SATB1: variants seen among roughly 807,000 people sequenced by gnomAD.
The protein encoded by SATB1 is DNA-binding protein SATB1.
Under a neutral mutation model 86.9 loss-of-function variants are expected in SATB1, and 11 were observed. The ratio of observed to expected loss-of-function variants is 0.13; its 90% CI spans 0.08 to 0.21. SATB1 has a LOEUF of 0.21. Among genes scored for constraint, SATB1 ranks in the 10% least tolerant of loss-of-function variants. The probability of loss-of-function intolerance (pLI) is 1.00; values close to 1 mark genes in which losing one functional copy is unlikely to be tolerated. For synonymous variants in SATB1, 357 were observed against 357.2 expected (o/e 1.00, Z 0.01); for missense variants, 551 against 937.6 (o/e 0.59, Z 5.39).
intron 5 of SATB1, among the ~76,000 whole-genome samples, chr3:18,398,420 T>C (rs1202684335): frequency 1.3e-5 from 2 of 152,138 alleles, no homozygotes; most frequent in Non-Finnish European, 2.9e-5. Context: ...CAGACATCAG[T>C]TGGTCTATGG....
intron 2 of SATB1, among the ~76,000 whole-genome samples, chr3:18,434,688 C>A (rs1183632382): frequency 6.6e-6 from 1 of 151,498 alleles, no homozygotes; most frequent in Non-Finnish European, 1.5e-5. Flanking sequence ...GATCAGGTTC[C>A]GTATCTATAA....
chr3:18,445,084 T>G (rs1699352890), intron 1 of SATB1: 2 of 437,196 alleles, frequency 4.6e-6, no homozygotes, highest in South Asian at 9.6e-5. Context: ...ACGTGGCGCT[T>G]CGGACCGGGC....
upstream of SATB1, among the ~76,000 whole-genome samples, chr3:18,428,314 T>C (rs1014742455): frequency 6.6e-6 from 1 of 152,130 alleles, no homozygotes; most frequent in South Asian, 2.1e-4. Context: ...ACTCCCATGA[T>C]AACCCATTAA....
chr3:18,351,339 C>A, intron 10 of SATB1: 1 of 1,552,092 alleles, frequency 6.4e-7, no homozygotes, highest in Non-Finnish European at 8.7e-7. Context: ...AGCCATGGTG[C>A]AGGGGTCGGC....
At chr3:18,410,121 G>A (rs889498782) in intron 5 of SATB1, among the ~76,000 whole-genome samples, 1 of 151,956 alleles carries the variant, frequency 6.6e-6, no homozygotes, top group Non-Finnish European at 1.5e-5. Context: ...CCATGATTAG[G>A]GGCTTGATAT....
intron 9 of SATB1, among the ~76,000 whole-genome samples, chr3:18,375,994 A>C (rs1004915493): frequency 1.2e-4 from 18 of 152,208 alleles, no homozygotes; most frequent in Non-Finnish European, 2.6e-4. Flanking sequence ...TTTGGGAAAC[A>C]CACCATCACA....
intron 5 of SATB1, among the ~76,000 whole-genome samples, chr3:18,398,103 C>A (rs9284843): frequency 6.6e-6 from 1 of 152,126 alleles, no homozygotes; most frequent in African/African-American, 2.4e-5. Flanking sequence ...GATGACCTAT[C>A]GTGACTTATC....
At chr3:18,439,568 G>C (rs548600880), upstream of SATB1, among the ~76,000 whole-genome samples, 8 of 152,260 alleles carry the variant, frequency 5.3e-5, no homozygotes, top group African/African-American at 1.9e-4. Context: ...ACAGCATTTA[G>C]GAACGATATA....
intron 7 of SATB1, among the ~76,000 whole-genome samples, chr3:18,390,668 T>C (rs1444134813): frequency 6.6e-6 from 1 of 152,182 alleles, no homozygotes; most frequent in Admixed American, 6.5e-5. Flanking sequence ...AATAAAACAT[T>C]ACATGATGGT....
At chr3:18,387,879 A>C (rs1696424954) in intron 7 of SATB1, among the ~76,000 whole-genome samples, 1 of 152,214 alleles carries the variant, frequency 6.6e-6, no homozygotes, top group South Asian at 2.1e-4. Flanking sequence ...TAGAAGTACA[A>C]ACCTGGTTTT....
At chr3:18,390,855 T>C (rs557005108) in intron 7 of SATB1, among the ~76,000 whole-genome samples, 3 of 152,246 alleles carry the variant, frequency 2.0e-5, no homozygotes, top group South Asian at 4.1e-4. Flanking sequence ...AGGAATGTAT[T>C]TGCATGTATC....
Position 18,437,921 on chromosome 3 carries a change from G to C in SATB1, c.-108+644C>G, listed in dbSNP as rs143331172. On this transcript the variant is annotated intron_variant, in intron 1 of 3. Coordinates refer to the SATB1 transcript ENST00000414509. ...TATTTTCTGGGGGAAAGAAAGGCTT[G>C]CTATATCAAGAATCACATAGCCTTG... Among the ~76,000 whole-genome samples, 987 of 152,194 alleles carry C rather than the reference G, an allele frequency of 6.5e-3. 8 individuals carry two copies. Among genetic ancestry groups the C allele is most frequent in the Middle Eastern group, 0.01 (3 of 294 alleles).
intron 3 of SATB1, 81 bp from the exon 4 acceptor site, chr3:18,416,214 C>T (rs890021850): frequency 3.7e-5 from 39 of 1,054,620 alleles, no homozygotes; most frequent in Non-Finnish European, 4.8e-5. Context: ...CTTTTCTTTT[C>T]TACTACCCCT....
At chr3:18,355,305 T>C (rs1055558478) in intron 9 of SATB1, among the ~76,000 whole-genome samples, 2 of 152,100 alleles carry the variant, frequency 1.3e-5, no homozygotes, top group African/African-American at 4.8e-5. Context: ...AGATAATTTA[T>C]TCTAATGCTA....
intron 9 of SATB1, among the ~76,000 whole-genome samples, chr3:18,370,576 GAA>G (rs11293560): frequency 3.5e-5 from 3 of 86,150 alleles, no homozygotes; most frequent in East Asian, 3.3e-4. Flanking sequence ...GAAAAGAAAA[GAA>G]AAAAAAAACC....
At position 18,352,320 on chromosome 3, in the gene SATB1, C is replaced by A; in HGVS notation, c.1576-125G>T. On this transcript the variant is annotated intron_variant, in intron 9 of 10. Coordinates refer to ENST00000338745, the MANE Select transcript of SATB1 (RefSeq NM_002971.6). This position sits in a 1 kb window ranked among gnomAD's most constrained non-coding sequence, Gnocchi z 4.1. Reference sequence around the variant, plus strand: ...CATAAGCTCAGAACACACCATTCTGCTTTAAAAATTGTTTTTAACTTGTTA... The same window carrying A: ...CATAAGCTCAGAACACACCATTCTGATTTAAAAATTGTTTTTAACTTGTTA... The A allele has an allele frequency of 2.6e-6, 2 of 763,494 alleles. No individual in the cohort carries two copies. 47.3% of individuals were successfully genotyped at this position (763,494 alleles called of 1,614,324 possible).
intron 8 of SATB1, among the ~76,000 whole-genome samples, chr3:18,381,677 A>T (rs764037362): frequency 3.9e-5 from 6 of 152,062 alleles, no homozygotes; most frequent in Non-Finnish European, 7.4e-5. Flanking sequence ...CCCTTTGATA[A>T]ATCTAGCTCA....
Position 18,348,061 on chromosome 3 carries a change from GT to G in SATB1, c.*1108del, listed in dbSNP as rs1437695565. 6.6e-6 allele frequency: 1 copy of G among 152,508 alleles called. No homozygotes were observed. Among genetic ancestry groups the G allele is most frequent in the Non-Finnish European group, 1.5e-5 (1 of 68,010 alleles). The allele number at this position is 152,508 out of a possible 1,614,324, so 9.4% of individuals were successfully genotyped here. Reference sequence around the variant, plus strand: ...AACAGCCAGCTGTAACAAAATAGCTGTTTTCATAGCCATAAACTCATAAAAA... The same window carrying G: ...AACAGCCAGCTGTAACAAAATAGCTGTTTCATAGCCATAAACTCATAAAAA... On this transcript the variant is annotated 3_prime_UTR_variant, in exon 11 of 11. Transcript: ENST00000338745.
At chr3:18,402,009 A>G (rs1206424128) in intron 5 of SATB1, among the ~76,000 whole-genome samples, 1 of 152,190 alleles carries the variant, frequency 6.6e-6, no homozygotes, top group Non-Finnish European at 1.5e-5. Context: ...ACTTAAAGAT[A>G]GATAGAACAT....
Sources: allele counts gnomAD v4.1 joint callset (sites outside exome capture counted in the v4.1 genomes callset), GRCh38; gene constraint gnomAD v4.1.1; non-coding constraint Gnocchi (gnomAD v3.1); transcripts MANE v1.5; gene names NCBI Gene and HGNC (gene_info 2026-07-23, HGNC 2026-07-21).